PPIE: variants seen among roughly 807,000 people sequenced by gnomAD.
PPIE encodes peptidylprolyl isomerase E.
Under a neutral mutation model 38.4 loss-of-function variants are expected in PPIE, and 20 were observed. That is an observed-to-expected ratio of 0.52 (90% confidence interval 0.37 to 0.76). PPIE has a LOEUF of 0.76. PPIE is among the 30% of genes least tolerant of loss of function. The pLI is 0.00. For missense variants in PPIE, 322 were observed against 385.8 expected (o/e 0.83, Z 1.39); for synonymous variants, 142 against 135.7 (o/e 1.05, Z -0.32).
intron 8 of PPIE, among the ~76,000 whole-genome samples, chr1:39,749,815 T>C (rs1041935784): frequency 2.6e-5 from 4 of 152,154 alleles, no homozygotes; most frequent in Non-Finnish European, 5.9e-5. Context: ...CATGAAAGCA[T>C]GCAGTTATCA....
Position 39,743,939 on chromosome 1 carries a change from C to T in PPIE, c.384+15C>T, listed in dbSNP as rs1257298290. The T allele has an allele frequency of 6.3e-7, 1 of 1,591,270 alleles. No individual in the cohort carries two copies. The highest frequency in any genetic ancestry group is 8.6e-7 in the Non-Finnish European group (1 of 1,162,502). The stretch of plus-strand genomic sequence containing the variant: ...AGACCCAGGAGGTGAGAATGAAGCT[C>T]CTGCTTCCAGAGCACAGGCCGGCGC... On this transcript the variant is annotated intron_variant, in intron 6 of 9. Transcript: ENST00000324379.
At chr1:39,757,236 AAATTC>A (rs1260291208), downstream of PPIE, 1 of 152,264 alleles carries the variant, frequency 6.6e-6, no homozygotes, top group East Asian at 1.9e-4. Context: ...AAAAATAAGC[AAATTC>A]ATTTGTAATA....
At chr1:39,760,635 C>G (rs562256939), downstream of PPIE, 5 of 1,546,422 alleles carry the variant, frequency 3.2e-6, no homozygotes, top group East Asian at 9.4e-5. Context: ...CCACCCAGCC[C>G]CACCCCAGCT....
chr1:39,749,680 C>T (rs1647507231), intron 8 of PPIE, among the ~76,000 whole-genome samples: 1 of 152,182 alleles, frequency 6.6e-6, no homozygotes, highest in Non-Finnish European at 1.5e-5. Flanking sequence ...TGAGCTGTCT[C>T]TCCTAGGCCA....
In PPIE at chr1:39,755,425, TGTAGC is replaced by T. The variant is rs1160488314; in HGVS notation, c.*2071_*2075del. 1 of 985,344 alleles carries T rather than the reference TGTAGC, an allele frequency of 1.0e-6. No individual in the cohort carries two copies. The highest frequency in any genetic ancestry group is 1.2e-6 in the Non-Finnish European group (1 of 829,944). The allele number at this position is 985,344 out of a possible 1,614,324, so 61.0% of individuals were successfully genotyped here. A position where few individuals can be genotyped will look rare whatever the true frequency, so the allele number is the denominator to read the frequency against. ...TACAGTTGACTGAGTTCAGGCTCCA[TGTAGC>T]TGGGATATACTACATGGTTACCCCT... On this transcript the variant is annotated 3_prime_UTR_variant, in exon 10 of 10. Transcript: ENST00000324379.
rs1375924913 is a variant in PPIE at position 39,755,468 on chromosome 1, G to A, written c.*2113G>A. On this transcript the variant is annotated 3_prime_UTR_variant, in exon 10 of 10. Transcript: ENST00000324379. Reference sequence around the variant, plus strand: ...CATGGTTACCCCTCACCCCTATGGAGCTTCCAAAAGAGACCCTCCCTCAAA... The same window carrying A: ...CATGGTTACCCCTCACCCCTATGGAACTTCCAAAAGAGACCCTCCCTCAAA... 3.0e-6 allele frequency: 3 copies of A among 985,280 alleles called. No individual in the cohort carries two copies. The highest frequency in any genetic ancestry group is 2.3e-4 in the East Asian group (2 of 8,822). 61.0% of individuals were successfully genotyped at this position (985,280 alleles called of 1,614,324 possible).
intron 4 of PPIE, chr1:39,742,517 A>T (rs1647088681): frequency 7.3e-6 from 1 of 137,608 alleles, no homozygotes; most frequent in African/African-American, 2.8e-5. Flanking sequence ...TTTTTTTAAC[A>T]ATCTTGAACT....
In PPIE at chr1:39,755,111, C is replaced by T. The variant is rs1024744860; in HGVS notation, c.*1756C>T. ...TGGAGCTGGCTTCTCTCCACTCCCC[C>T]TCCAGATGCTGGTCAGCCAGGCGGT... On this transcript the variant is annotated 3_prime_UTR_variant, in exon 10 of 10. Coordinates refer to ENST00000324379, the MANE Select transcript of PPIE (RefSeq NM_006112.4). 1 of 985,370 alleles carries T rather than the reference C, an allele frequency of 1.0e-6. No homozygotes were observed. The highest frequency in any genetic ancestry group is 1.1e-4 in the East Asian group (1 of 8,832). The allele number at this position is 985,370 out of a possible 1,614,324, so 61.0% of individuals were successfully genotyped here. A position where few individuals can be genotyped will look rare whatever the true frequency, so the allele number is the denominator to read the frequency against.
At position 39,752,876 on chromosome 1, in the gene PPIE, G is replaced by A. The variant is rs369166694; in HGVS notation, c.695-34G>A. 40 of 1,598,940 alleles carry A rather than the reference G, an allele frequency of 2.5e-5. No homozygotes were observed. The African/African-American group carries it at 5.3e-4, about 21-fold the overall frequency. ...ACGTCCTTTAAGGGCTGGTAGCCAG[G>A]GTTCGGGGAGCTGATGGTTGTTCTC... On this transcript the variant is annotated intron_variant, in intron 8 of 9. Coordinates refer to ENST00000324379, the MANE Select transcript of PPIE (RefSeq NM_006112.4).
At chr1:39,752,281 C>T (rs955887084) in intron 8 of PPIE, among the ~76,000 whole-genome samples, 1 of 152,142 alleles carries the variant, frequency 6.6e-6, no homozygotes, top group Non-Finnish European at 1.5e-5. Flanking sequence ...TGTCCAACTG[C>T]CTGCCTGTTG....
downstream of PPIE, chr1:39,761,277 C>T (rs916656449): frequency 2.0e-5 from 3 of 152,886 alleles, no homozygotes; most frequent in Admixed American, 6.5e-5. Flanking sequence ...GATGACTCCT[C>T]TTGCCTCCTC....
chr1:39,754,344 TG>T lies in PPIE; in HGVS notation c.*991del, dbSNP rs1648057162. 1.3e-5 allele frequency among the ~76,000 whole-genome samples: 2 copies of T among 152,060 alleles called. No individual in the cohort carries two copies. On this transcript the variant is annotated 3_prime_UTR_variant, in exon 10 of 10. Coordinates refer to ENST00000324379, the MANE Select transcript of PPIE (RefSeq NM_006112.4). ...TATTTTAAGGAACTGGCTCAAGCAG[TG>T]GTAGGAGCTGGCAAGTCTGCAATCT...
Position 39,755,675 on chromosome 1 carries a change from G to A in PPIE, c.*2320G>A, listed in dbSNP as rs1648189227. On this transcript the variant is annotated 3_prime_UTR_variant, in exon 10 of 10. Coordinates refer to ENST00000324379, the MANE Select transcript of PPIE (RefSeq NM_006112.4). Reference sequence around the variant, plus strand: ...AAGGACAGACTCCTGTGACAACCTTGTCACTCTGTTCCTCCCTGATACTCT... The same window carrying A: ...AAGGACAGACTCCTGTGACAACCTTATCACTCTGTTCCTCCCTGATACTCT... 1 of 985,416 alleles carries A rather than the reference G, an allele frequency of 1.0e-6. No individual in the cohort carries two copies. Among genetic ancestry groups the A allele is most frequent in the Non-Finnish European group, 1.2e-6 (1 of 829,932 alleles). The allele number at this position is 985,416 out of a possible 1,614,324, so 61.0% of individuals were successfully genotyped here. A position where few individuals can be genotyped will look rare whatever the true frequency, so the allele number is the denominator to read the frequency against.
chr1:39,745,296 G>C, intron 6 of PPIE, 79 bp from the exon 7 acceptor site: 1 of 1,580,992 alleles, frequency 6.3e-7, no homozygotes, highest in Non-Finnish European at 8.7e-7. Context: ...TTGTGTTCTG[G>C]GTGGGTGTGT....
chr1:39,760,157 G>A (rs944606740), downstream of PPIE: 20 of 567,812 alleles, frequency 3.5e-5, no homozygotes, highest in Middle Eastern at 4.9e-4. Context: ...ACATGCCTCC[G>A]GGAGAGGCGT....
intron 1 of PPIE, among the ~76,000 whole-genome samples, chr1:39,739,918 T>C (rs914763774): frequency 6.6e-6 from 1 of 152,170 alleles, no homozygotes; most frequent in African/African-American, 2.4e-5. Flanking sequence ...GTTGATGGAA[T>C]GGAGGCAGGG....
At chr1:39,761,956 G>A (rs1649048529) in intron 9 of PPIE, among the ~76,000 whole-genome samples, 1 of 152,244 alleles carries the variant, frequency 6.6e-6, no homozygotes, top group African/African-American at 2.4e-5. Context: ...AGGGGCAAGG[G>A]CAGAGGAGAT....
At chr1:39,745,173 C>T (rs957282235) in intron 6 of PPIE, among the ~76,000 whole-genome samples, 1 of 152,214 alleles carries the variant, frequency 6.6e-6, no homozygotes, top group African/African-American at 2.4e-5. Flanking sequence ...GTGCTGAGAC[C>T]TCCTGTCGCT....
chr1:39,749,562 C>T (rs976663053), intron 8 of PPIE, among the ~76,000 whole-genome samples: 9 of 152,196 alleles, frequency 5.9e-5, no homozygotes, highest in Admixed American at 4.6e-4. Flanking sequence ...TGTGTCCATG[C>T]CCGTCTTCAC....
Sources: allele counts gnomAD v4.1 joint callset (sites outside exome capture counted in the v4.1 genomes callset), GRCh38; gene constraint gnomAD v4.1.1; transcripts MANE v1.5; gene names NCBI Gene and HGNC (gene_info 2026-07-23, HGNC 2026-07-21).